FGF12: variants seen among roughly 807,000 people sequenced by gnomAD.
FGF12 encodes fibroblast growth factor 12.
Under a neutral mutation model 23.6 loss-of-function variants are expected in FGF12, and 14 were observed. The ratio of observed to expected loss-of-function variants is 0.59; its 90% confidence interval spans 0.39 to 0.93. The LOEUF (loss-of-function observed/expected upper bound fraction) is 0.93. Ranked by LOEUF, FGF12 falls within the 40% of genes least tolerant of loss-of-function variation. FGF12 has a pLI of 0.00. For missense variants in FGF12, 175 were observed against 217.8 expected, an observed-to-expected ratio of 0.80 and a Z score of 1.24; for synonymous variants, 62 against 77.3, an observed-to-expected ratio of 0.80 and a Z score of 1.04.
chr3:192,170,080 C>T lies in FGF12; in HGVS notation c.427+378G>A, dbSNP rs138858388. On this transcript the variant is annotated intron_variant, in intron 5 of 5. Transcript: ENST00000445105. Reference sequence around the variant, plus strand: ...TTCTTTTCTACTTTCAAAATTTTTCCGGCTTCTATATTCAGGCATTTTTTT... The same window carrying T: ...TTCTTTTCTACTTTCAAAATTTTTCTGGCTTCTATATTCAGGCATTTTTTT... Among the ~76,000 whole-genome samples the T allele has an allele frequency of 1.5e-4, 21 of 143,962 alleles. No homozygotes were observed. The East Asian group carries it at 2.0e-3, about 14-fold the overall frequency. The allele number at this position is 143,962 out of a possible 152,430, so 94.4% of individuals were successfully genotyped here. A position where few individuals can be genotyped will look rare whatever the true frequency, so the allele number is the denominator to read the frequency against.
chr3:192,438,790 C>T (rs764300842), intron 2 of FGF12, among the ~76,000 whole-genome samples: 3 of 152,212 alleles, frequency 2.0e-5, no homozygotes, highest in Non-Finnish European at 2.9e-5. Flanking sequence ...AGTTTGCATG[C>T]GCTTCAACAT....
At chr3:192,644,807 C>T (rs1008549455) in intron 2 of FGF12, among the ~76,000 whole-genome samples, 19 of 152,050 alleles carry the variant, frequency 1.2e-4, no homozygotes, top group African/African-American at 4.6e-4. Flanking sequence ...TGTTACAGAT[C>T]GCTATCATGA....
intron 2 of FGF12, among the ~76,000 whole-genome samples, chr3:192,538,413 T>A (rs1725286788): frequency 6.6e-6 from 1 of 152,182 alleles, no homozygotes; most frequent in Non-Finnish European, 1.5e-5. Context: ...TCTTTGTTTA[T>A]GCAATAAGTT....
chr3:192,201,597 C>G (rs1055855233), intron 4 of FGF12, among the ~76,000 whole-genome samples: 3 of 152,128 alleles, frequency 2.0e-5, no homozygotes, highest in African/African-American at 7.2e-5. Flanking sequence ...GAATAGGAAC[C>G]CAGTCTTATA....
chr3:192,224,274 A>G (rs564317518), intron 4 of FGF12, among the ~76,000 whole-genome samples: 1 of 152,250 alleles, frequency 6.6e-6, no homozygotes, highest in East Asian at 1.9e-4. Flanking sequence ...AATGACATAC[A>G]ATTCCATTTA....
intron 2 of FGF12, among the ~76,000 whole-genome samples, chr3:192,686,920 C>T (rs1717764096): frequency 1.6e-5 from 2 of 128,374 alleles, no homozygotes; most frequent in African/African-American, 5.9e-5. Context: ...GCTCCGGCTT[C>T]TGGGTTCATG....
rs766628760 is a variant in FGF12 at position 192,205,964 on chromosome 3, G to C, written c.229-35308C>G. Among the ~76,000 whole-genome samples the C allele has an allele frequency of 5.5e-4, 83 of 152,250 alleles. 1 individual carries two copies. The highest frequency in any genetic ancestry group is 8.5e-4 in the Admixed American group (13 of 15,282). ...TGTTACTATTGTGCACCATTGATGGGGTAATCAGAGACACAGCTCCTTCTC... is the reference window on the plus strand; with the variant it reads ...TGTTACTATTGTGCACCATTGATGGCGTAATCAGAGACACAGCTCCTTCTC... On this transcript the variant is annotated intron_variant, in intron 4 of 5. Coordinates refer to ENST00000445105, the MANE Select transcript of FGF12 (RefSeq NM_004113.6).
chr3:192,422,602 C>G (rs1721567506), intron 2 of FGF12, among the ~76,000 whole-genome samples: 2 of 152,140 alleles, frequency 1.3e-5, no homozygotes, highest in Admixed American at 6.6e-5. Context: ...TTAAAGCTAA[C>G]ATTTTTCAAG....
At chr3:192,587,149 T>C (rs1464624904) in intron 2 of FGF12, among the ~76,000 whole-genome samples, 1 of 148,018 alleles carries the variant, frequency 6.8e-6, no homozygotes, top group Non-Finnish European at 1.5e-5. Flanking sequence ...TCATAACTGC[T>C]CCATCTAGCA....
chr3:192,446,084 C>T (rs1313520434), intron 2 of FGF12, among the ~76,000 whole-genome samples: 1 of 152,150 alleles, frequency 6.6e-6, no homozygotes, highest in African/African-American at 2.4e-5. Flanking sequence ...TGTCTTGATT[C>T]CAGACATGGG....
intron 2 of FGF12, among the ~76,000 whole-genome samples, chr3:192,690,478 C>T (rs1717905707): frequency 6.7e-6 from 1 of 149,648 alleles, no homozygotes; most frequent in African/African-American, 2.5e-5. Context: ...TTAAAGTAGA[C>T]ATACAGGTAT....
chr3:192,660,596 A>G (rs1286224333), intron 2 of FGF12, among the ~76,000 whole-genome samples: 2 of 152,082 alleles, frequency 1.3e-5, no homozygotes, highest in Admixed American at 6.6e-5. Context: ...AGCTCTGACC[A>G]TTGTATACTC....
chr3:192,608,920 C>T (rs1328193513), intron 2 of FGF12, among the ~76,000 whole-genome samples: 1 of 152,086 alleles, frequency 6.6e-6, no homozygotes, highest in Non-Finnish European at 1.5e-5. Flanking sequence ...TATTCTGGCA[C>T]TTAACCAGCT....
chr3:192,560,055 A>G (rs922323876), intron 2 of FGF12, among the ~76,000 whole-genome samples: 6 of 152,082 alleles, frequency 3.9e-5, no homozygotes, highest in Non-Finnish European at 4.4e-5. Context: ...TCTGACCACA[A>G]TGGCATTGAA....
intron 5 of FGF12, among the ~76,000 whole-genome samples, chr3:192,158,594 CTT>C (rs572899971): frequency 1.8e-3 from 186 of 104,374 alleles, no homozygotes; most frequent in Non-Finnish European, 3.1e-3. Flanking sequence ...TTCTTCTCGT[CTT>C]TCTCTTTTTT....
chr3:192,692,408 A>AAAAACCAC (rs1280971131), intron 2 of FGF12, among the ~76,000 whole-genome samples: 2 of 152,226 alleles, frequency 1.3e-5, no homozygotes, highest in East Asian at 3.9e-4. Flanking sequence ...ATAAAAGATT[A>AAAAACCAC]AAAACCACAT....
chr3:192,343,970 G>A lies in FGF12; in HGVS notation c.125-8506C>T, dbSNP rs148362224. Among the ~76,000 whole-genome samples, 211 of 152,110 alleles carry A rather than the reference G, an allele frequency of 1.4e-3. 2 individuals carry two copies. Among genetic ancestry groups the A allele is most frequent in the African/African-American group, 4.9e-3 (203 of 41,522 alleles). ...TTTAGCTTTTAAGTCAAGGAAATAA[G>A]TGGTCTTGGTGACTCCAAGTAATTT... On this transcript the variant is annotated intron_variant, in intron 3 of 5. Coordinates refer to ENST00000445105, the MANE Select transcript of FGF12 (RefSeq NM_004113.6).
chr3:192,574,856 G>A (rs1262252312), intron 2 of FGF12, among the ~76,000 whole-genome samples: 1 of 152,192 alleles, frequency 6.6e-6, no homozygotes, highest in Non-Finnish European at 1.5e-5. Context: ...AATCTCATGA[G>A]AGACCCTGAA....
intron 4 of FGF12, among the ~76,000 whole-genome samples, chr3:192,259,069 G>T (rs1182985896): frequency 2.0e-5 from 3 of 151,806 alleles, no homozygotes; most frequent in African/African-American, 7.3e-5. Flanking sequence ...TTGCTTGGTT[G>T]CATTTAAGAT....
Sources: allele counts gnomAD v4.1 joint callset (sites outside exome capture counted in the v4.1 genomes callset), GRCh38; gene constraint gnomAD v4.1.1; transcripts MANE v1.5; gene names NCBI Gene and HGNC (gene_info 2026-07-23, HGNC 2026-07-21).